PKIB: variants seen among roughly 807,000 people sequenced by gnomAD.
PKIB encodes cAMP-dependent protein kinase inhibitor beta, also known as PKI-beta.
PKIB carries 2 observed loss-of-function variants against 4.5 expected under a neutral mutation model. The ratio of observed to expected loss-of-function variants is 0.44; its 90% CI spans 0.18 to 1.39. The LOEUF is 1.39. Ranked by LOEUF, PKIB falls within the 40% of genes most tolerant of loss-of-function variation. The pLI is 0.27. For synonymous variants in PKIB, 38 were observed against 36.0 expected (o/e 1.06, Z -0.20); for missense variants, 94 against 92.6 (o/e 1.02, Z -0.06).
At chr6:122,604,209 T>A (rs1774458858) in intron 3 of PKIB, among the ~76,000 whole-genome samples, 1 of 152,152 alleles carries the variant, frequency 6.6e-6, no homozygotes, top group African/African-American at 2.4e-5. Flanking sequence ...GATAGTAGAG[T>A]TAGACAATAC....
intron 3 of PKIB, among the ~76,000 whole-genome samples, chr6:122,592,685 T>C (rs1774055538): frequency 6.6e-6 from 1 of 152,200 alleles, no homozygotes; most frequent in South Asian, 2.1e-4. Context: ...TTGCCTTTTT[T>C]AGAGTAAAAG....
chr6:122,529,863 T>C (rs1341264176), intron 2 of PKIB, among the ~76,000 whole-genome samples: 2 of 152,136 alleles, frequency 1.3e-5, no homozygotes, highest in African/African-American at 4.8e-5. Flanking sequence ...TGTTCAAGAT[T>C]CTTTGTCTTT....
intron 2 of PKIB, chr6:122,480,891 C>T (rs1775592750): frequency 4.0e-5 from 6 of 150,460 alleles, no homozygotes; most frequent in African/African-American, 1.5e-4. Context: ...TGATATTGTA[C>T]ATACCACAAA....
At chr6:122,552,200 T>C (rs187664612) in intron 2 of PKIB, among the ~76,000 whole-genome samples, 56 of 152,276 alleles carry the variant, frequency 3.7e-4, no homozygotes, top group African/African-American at 9.9e-4. Context: ...TTGGTTCCAA[T>C]GTGTTCCTTT....
intron 1 of PKIB, among the ~76,000 whole-genome samples, chr6:122,631,633 G>A (rs776488027): frequency 2.0e-4 from 31 of 152,162 alleles, no homozygotes; most frequent in Non-Finnish European, 4.0e-4. Flanking sequence ...GAGACAGGCA[G>A]GATTAATATT....
intron 3 of PKIB, among the ~76,000 whole-genome samples, chr6:122,711,011 T>C (rs887541511): frequency 6.6e-6 from 1 of 152,122 alleles, no homozygotes; most frequent in African/African-American, 2.4e-5. Context: ...AAGCTAGAAA[T>C]AAAAGCTAAA....
At chr6:122,688,873 C>T (rs554270139) in intron 3 of PKIB, among the ~76,000 whole-genome samples, 15 of 151,748 alleles carry the variant, frequency 9.9e-5, no homozygotes, top group East Asian at 1.9e-4. Flanking sequence ...CTCCGCCTCC[C>T]GGGTTCACGC....
At chr6:122,681,029 G>A (rs1562298868) in intron 3 of PKIB, among the ~76,000 whole-genome samples, 1 of 151,934 alleles carries the variant, frequency 6.6e-6, no homozygotes, top group Admixed American at 6.6e-5. Context: ...TTCCTAAAAT[G>A]TGCTCGTCTC....
chr6:122,672,606 G>A (rs901471217), intron 2 of PKIB, among the ~76,000 whole-genome samples: 31 of 152,032 alleles, frequency 2.0e-4, no homozygotes, highest in African/African-American at 5.1e-4. Context: ...ATCAGACCTC[G>A]TGTGGTAGAA....
At chr6:122,712,772 G>A (rs1779325638) in intron 3 of PKIB, among the ~76,000 whole-genome samples, 1 of 152,154 alleles carries the variant, frequency 6.6e-6, no homozygotes, top group African/African-American at 2.4e-5. Flanking sequence ...GATGAGAAAA[G>A]AATGGATCTA....
intron 2 of PKIB, among the ~76,000 whole-genome samples, chr6:122,553,317 G>C (rs1772736026): frequency 6.6e-6 from 1 of 151,866 alleles, no homozygotes; most frequent in Admixed American, 6.6e-5. Flanking sequence ...TAAAAGTAAT[G>C]ACCAAAACCG....
intron 1 of PKIB, among the ~76,000 whole-genome samples, chr6:122,619,884 C>T (rs1018143557): frequency 3.3e-5 from 5 of 152,086 alleles, no homozygotes; most frequent in African/African-American, 1.2e-4. Context: ...CATCATGCTA[C>T]CTGGAACAAC....
At chr6:122,609,495 G>C (rs564236731), upstream of PKIB, among the ~76,000 whole-genome samples, 1 of 152,188 alleles carries the variant, frequency 6.6e-6, no homozygotes, top group East Asian at 1.9e-4. Context: ...TTAGGCTTTT[G>C]CCTAAAAAGG....
At chr6:122,542,709 C>G (rs1041767691) in intron 2 of PKIB, among the ~76,000 whole-genome samples, 2 of 152,110 alleles carry the variant, frequency 1.3e-5, no homozygotes, top group African/African-American at 4.8e-5. Context: ...AGATCTCCAG[C>G]TACGTGCTTG....
chr6:122,501,433 T>C (rs754990942), intron 2 of PKIB, among the ~76,000 whole-genome samples: 49 of 152,176 alleles, frequency 3.2e-4, no homozygotes, highest in Non-Finnish European at 5.1e-4. Flanking sequence ...TTTCTATACA[T>C]CCTCTGATAT....
At chr6:122,658,003 ATC>A (rs1776841485) in intron 2 of PKIB, among the ~76,000 whole-genome samples, 1 of 152,224 alleles carries the variant, frequency 6.6e-6, no homozygotes, top group Non-Finnish European at 1.5e-5. Context: ...AGCTCTTTAT[ATC>A]ATGTTGATTA....
intron 2 of PKIB, among the ~76,000 whole-genome samples, chr6:122,554,899 A>C (rs192873439): frequency 6.6e-6 from 1 of 152,180 alleles, no homozygotes; most frequent in Admixed American, 6.5e-5. Context: ...TTTGGGGAAA[A>C]ATAAGTTTCC....
At chr6:122,668,977 G>T (rs113767881) in intron 2 of PKIB, among the ~76,000 whole-genome samples, 348 of 152,276 alleles carry the variant, frequency 2.3e-3, no homozygotes, top group African/African-American at 8.2e-3. Flanking sequence ...AACTTTAGGA[G>T]ACTAAGGTGG....
chr6:122,500,496 T>C (rs1776198544), intron 2 of PKIB, among the ~76,000 whole-genome samples: 1 of 152,216 alleles, frequency 6.6e-6, no homozygotes, highest in African/African-American at 2.4e-5. Flanking sequence ...ATGCTAAATA[T>C]AAACCTTTAT....
Sources: allele counts gnomAD v4.1 joint callset (sites outside exome capture counted in the v4.1 genomes callset), GRCh38; gene constraint gnomAD v4.1.1; transcripts MANE v1.5; gene names NCBI Gene and HGNC (gene_info 2026-07-23, HGNC 2026-07-21).